The following KCNQ1OT1 variants were observed in gnomAD, a reference collection of about 807,000 sequenced individuals.
KCNQ1OT1 encodes the protein KCNQ1 opposite strand/antisense transcript 1.
chr11:2,622,161 C>A, exon 1 of KCNQ1OT1: 1 of 398,250 alleles, frequency 2.5e-6, no homozygotes, highest in East Asian at 3.6e-5. Context: ...ATTGAAGTCC[C>A]TAAGTATTAT....
At chr11:2,689,441 TG>T (rs1850552298) in exon 1 of KCNQ1OT1, 1 of 398,508 alleles carries the variant, frequency 2.5e-6, no homozygotes, top group Non-Finnish European at 4.4e-6. Flanking sequence ...GACACTGCCT[TG>T]GAATGACACT....
exon 1 of KCNQ1OT1, chr11:2,667,953 C>A (rs548415001): frequency 4.8e-5 from 19 of 398,584 alleles, no homozygotes; most frequent in Non-Finnish European, 8.0e-5. Flanking sequence ...CAACAGAACC[C>A]CCAGAAAGCC....
At chr11:2,641,833 G>C in exon 1 of KCNQ1OT1, 2 of 398,258 alleles carry the variant, frequency 5.0e-6, no homozygotes, top group Admixed American at 8.8e-5. Context: ...AGATAGAAAC[G>C]GTTTCATTTT....
rs548166843 is a variant in KCNQ1OT1 at position 2,683,543 on chromosome 11, G to A, written n.16452C>T. On this transcript the variant is annotated non_coding_transcript_exon_variant, in exon 1 of 1. Transcript: ENST00000597346. This position sits in a 1 kb window ranked among gnomAD's most constrained non-coding sequence, Gnocchi z 4.7. The stretch of plus-strand genomic sequence containing the variant: ...CAGAGTAAACATTTCTAAAAAAGAG[G>A]TAGAAGCCCCTACCTACTGACTGGC... 3.4e-4 allele frequency: 134 copies of A among 398,576 alleles called. No homozygotes were observed. The highest frequency in any genetic ancestry group is 2.5e-3 in the Admixed American group (57 of 22,736). The allele number at this position is 398,576 out of a possible 1,614,324, so 24.7% of individuals were successfully genotyped here. A position where few individuals can be genotyped will look rare whatever the true frequency, so the allele number is the denominator to read the frequency against.
In KCNQ1OT1 at chr11:2,667,514, G is replaced by A. The variant is rs1451475909; in HGVS notation, n.32481C>T. The stretch of plus-strand genomic sequence containing the variant: ...CATTCACGCCACAGAGGTGGCTGGA[G>A]GGCAAAGGACTTCACAACTGCACTG... On this transcript the variant is annotated non_coding_transcript_exon_variant, in exon 1 of 1. Transcript: ENST00000597346. 1.8e-5 allele frequency: 7 copies of A among 398,258 alleles called. No homozygotes were observed. In the Middle Eastern group the frequency reaches 1.9e-3, roughly 106 times the overall value. The allele number at this position is 398,258 out of a possible 1,614,324, so 24.7% of individuals were successfully genotyped here.
chr11:2,614,090 T>C, exon 1 of KCNQ1OT1: 1 of 398,600 alleles, frequency 2.5e-6, no homozygotes, highest in Non-Finnish European at 4.4e-6. Context: ...AGGTGGTTTC[T>C]AGATGGCAGC....
rs1399128843 is a variant in KCNQ1OT1, at chr11:2,690,894, G to A, written n.9101C>T. On this transcript the variant is annotated non_coding_transcript_exon_variant, in exon 1 of 1. Coordinates refer to ENST00000597346, the Ensembl canonical transcript of KCNQ1OT1. The surrounding 1 kb of genome is among the most constrained non-coding windows in gnomAD (Gnocchi z 5.1). Reference sequence around the variant, plus strand: ...GGAGTGTAAGCCACTGTTTCCGTCTGGGTTTTGTCATGTGTAGGTCCCAGC... The same window carrying A: ...GGAGTGTAAGCCACTGTTTCCGTCTAGGTTTTGTCATGTGTAGGTCCCAGC... 5 of 398,634 alleles carry A rather than the reference G, an allele frequency of 1.3e-5. No homozygotes were observed. The East Asian group carries it at 1.8e-4, about 14-fold the overall frequency. 24.7% of individuals were successfully genotyped at this position (398,634 alleles called of 1,614,324 possible).
exon 1 of KCNQ1OT1, chr11:2,618,241 C>T (rs1849101907): frequency 2.5e-6 from 1 of 398,302 alleles, no homozygotes; most frequent in Non-Finnish European, 4.4e-6. Flanking sequence ...TTCCCGGGGC[C>T]ACACTGTAAG....
exon 1 of KCNQ1OT1, chr11:2,634,379 C>A (rs1384776776): frequency 4.7e-6 from 1 of 212,464 alleles, no homozygotes; most frequent in Non-Finnish European, 8.2e-6. Flanking sequence ...CTTCCTACGT[C>A]CAAGTGTTCT....
chr11:2,631,117 A>G (rs2133816327), exon 1 of KCNQ1OT1: 1 of 398,588 alleles, frequency 2.5e-6, no homozygotes, highest in Non-Finnish European at 4.4e-6. Flanking sequence ...GATGTCCATC[A>G]ATCTGGGAAG....
At position 2,626,912 on chromosome 11, in the gene KCNQ1OT1, T is replaced by G. The variant is rs1045833131; in HGVS notation, n.73083A>C. 18 of 398,540 alleles carry G rather than the reference T, an allele frequency of 4.5e-5. No homozygotes were observed. Among genetic ancestry groups the G allele is most frequent in the Admixed American group, 1.3e-4 (3 of 22,734 alleles). 24.7% of individuals were successfully genotyped at this position (398,540 alleles called of 1,614,324 possible). On this transcript the variant is annotated non_coding_transcript_exon_variant, in exon 1 of 1. Coordinates refer to ENST00000597346, the Ensembl canonical transcript of KCNQ1OT1. The surrounding 1 kb of genome is among the most constrained non-coding windows in gnomAD (Gnocchi z 4.0). ...AATGTTTTAGCTATTCAAGGTCCCT[T>G]GAGATTCCATGTGAATTTTAGGATG...
At chr11:2,633,040 T>C (rs1393967197) in exon 1 of KCNQ1OT1, 1 of 398,514 alleles carries the variant, frequency 2.5e-6, no homozygotes, top group East Asian at 3.6e-5. Flanking sequence ...ACAAATAGTG[T>C]ATTATTTCCC....
chr11:2,697,070 T>C (rs1407135583), exon 1 of KCNQ1OT1: 2 of 398,596 alleles, frequency 5.0e-6, no homozygotes, highest in East Asian at 3.6e-5. Flanking sequence ...ATTTTCATAA[T>C]AATACTCGAC....
exon 1 of KCNQ1OT1, chr11:2,622,769 G>A (rs1027827525): frequency 7.5e-6 from 3 of 398,452 alleles, no homozygotes; most frequent in African/African-American, 2.1e-5. Flanking sequence ...TGAGAGGTAA[G>A]TACAGAGATT....
In KCNQ1OT1 at chr11:2,674,832, T is replaced by TAAAAAAA. The variant is rs34219164; in HGVS notation, n.25156_25162dup. ...GCTTGTCACCCTAATAGCTGTTTTT[T>TAAAAAAA]AAAAAAAAAAAAAAAAAAAAAAAAA... On this transcript the variant is annotated non_coding_transcript_exon_variant, in exon 1 of 1. Transcript: ENST00000597346. The surrounding 1 kb of genome is among the most constrained non-coding windows in gnomAD (Gnocchi z 5.9). 1.2e-5 allele frequency: 3 copies of TAAAAAAA among 243,764 alleles called. No homozygotes were observed. The highest frequency in any genetic ancestry group is 3.8e-5 in the African/African-American group (1 of 26,030). 15.1% of individuals were successfully genotyped at this position (243,764 alleles called of 1,614,324 possible).
exon 1 of KCNQ1OT1, chr11:2,656,394 T>A: frequency 2.5e-6 from 1 of 398,666 alleles, no homozygotes; most frequent in Non-Finnish European, 4.4e-6. Context: ...AAGGATGTCA[T>A]GGGCACAGAG....
exon 1 of KCNQ1OT1, chr11:2,656,129 A>G (rs910475124): frequency 2.5e-6 from 1 of 398,552 alleles, no homozygotes; most frequent in Admixed American, 4.4e-5. Context: ...CCTGTGCTCC[A>G]TCGTTCCTTC....
chr11:2,613,122 A>G lies in KCNQ1OT1; in HGVS notation n.86873T>C. The G allele has an allele frequency of 2.5e-6, 1 of 398,626 alleles. No individual in the cohort carries two copies. Among genetic ancestry groups the G allele is most frequent in the Non-Finnish European group, 4.4e-6 (1 of 226,080 alleles). 24.7% of individuals were successfully genotyped at this position (398,626 alleles called of 1,614,324 possible). A position where few individuals can be genotyped will look rare whatever the true frequency, so the allele number is the denominator to read the frequency against. On this transcript the variant is annotated non_coding_transcript_exon_variant, in exon 1 of 1. Coordinates refer to ENST00000597346, the Ensembl canonical transcript of KCNQ1OT1. This position sits in a 1 kb window ranked among gnomAD's most constrained non-coding sequence, Gnocchi z 4.8. The stretch of plus-strand genomic sequence containing the variant: ...TTGTTTAAACATCTTGAGCCAGTGA[A>G]TCTTCCACCCTCTGCTGAGGGGATC...
In KCNQ1OT1 at chr11:2,674,817, C is replaced by T. The variant is rs1335881238; in HGVS notation, n.25178G>A. On this transcript the variant is annotated non_coding_transcript_exon_variant, in exon 1 of 1. Transcript: ENST00000597346. The surrounding 1 kb of genome is among the most constrained non-coding windows in gnomAD (Gnocchi z 5.9). ...CTGGCCTTTGGAAAGGCTTGTCACC[C>T]TAATAGCTGTTTTTTAAAAAAAAAA... The T allele has an allele frequency of 2.6e-6, 1 of 383,080 alleles. No homozygotes were observed. The highest frequency in any genetic ancestry group is 2.3e-5 in the African/African-American group (1 of 42,690). 23.7% of individuals were successfully genotyped at this position (383,080 alleles called of 1,614,324 possible).
Sources: allele counts gnomAD v4.1 joint callset, GRCh38; gene constraint gnomAD v4.1.1; non-coding constraint Gnocchi (gnomAD v3.1); transcripts MANE v1.5; gene names NCBI Gene and HGNC (gene_info 2026-07-23, HGNC 2026-07-21).